CTDSPL: variants seen among roughly 807,000 people sequenced by gnomAD.
CTDSPL encodes the protein CTD small phosphatase-like protein.
CTDSPL carries 8 observed loss-of-function variants against 30.5 expected under a neutral mutation model. The ratio of observed to expected loss-of-function variants is 0.26; its 90% CI spans 0.15 to 0.47. The LOEUF (loss-of-function observed/expected upper bound fraction) is 0.47. CTDSPL is among the 20% of genes least tolerant of loss of function. CTDSPL has a pLI of 0.99. For synonymous variants in CTDSPL, 110 were observed against 137.9 expected, an observed-to-expected ratio of 0.80 and a Z score of 1.42; for missense variants, 248 against 366.1, an observed-to-expected ratio of 0.68 and a Z score of 2.63.
In CTDSPL at chr3:37,983,076, A is replaced by G. The variant is rs558012435; in HGVS notation, c.*2209A>G. On this transcript the variant is annotated 3_prime_UTR_variant, in exon 8 of 8. Coordinates refer to ENST00000273179, the MANE Select transcript of CTDSPL (RefSeq NM_001008392.2). ...CAGACTTGAGCCAGACACTTCACCTAGTAGTTCCTGAAACTGTGAGCACCA... is the reference window on the plus strand; with the variant it reads ...CAGACTTGAGCCAGACACTTCACCTGGTAGTTCCTGAAACTGTGAGCACCA... The G allele has an allele frequency of 4.6e-4, 80 of 172,842 alleles. No homozygotes were observed. Among genetic ancestry groups the G allele is most frequent in the Non-Finnish European group, 7.9e-4 (63 of 79,814 alleles). 10.7% of individuals were successfully genotyped at this position (172,842 alleles called of 1,614,324 possible). A position where few individuals can be genotyped will look rare whatever the true frequency, so the allele number is the denominator to read the frequency against.
At chr3:37,893,981 G>A (rs774437609) in intron 1 of CTDSPL, among the ~76,000 whole-genome samples, 5 of 152,142 alleles carry the variant, frequency 3.3e-5, no homozygotes, top group Admixed American at 6.5e-5. Context: ...AAAATAAAAA[G>A]TTTTGACTAA....
At chr3:37,897,740 A>C (rs1353779052) in intron 1 of CTDSPL, among the ~76,000 whole-genome samples, 1 of 152,172 alleles carries the variant, frequency 6.6e-6, no homozygotes, top group Non-Finnish European at 1.5e-5. Context: ...CACTAGGGTC[A>C]AGCATCAGAA....
intron 1 of CTDSPL, among the ~76,000 whole-genome samples, chr3:37,925,944 A>G (rs1575301586): frequency 2.0e-5 from 3 of 152,234 alleles, no homozygotes; most frequent in East Asian, 1.9e-4. Flanking sequence ...TTACATGTTT[A>G]TTTATTGTGT....
intron 3 of CTDSPL, among the ~76,000 whole-genome samples, chr3:37,960,033 A>G (rs1231950347): frequency 6.6e-6 from 1 of 151,812 alleles, no homozygotes; most frequent in African/African-American, 2.4e-5. Context: ...GTGAAACCCC[A>G]TCTCTATAAA....
intron 1 of CTDSPL, among the ~76,000 whole-genome samples, chr3:37,943,286 C>T (rs1698997926): frequency 6.7e-6 from 1 of 150,074 alleles, no homozygotes; most frequent in Non-Finnish European, 1.5e-5. Flanking sequence ...GCGAAGGCTT[C>T]CTGGGTGAGG....
At chr3:37,974,790 C>G (rs957680920) in intron 6 of CTDSPL, among the ~76,000 whole-genome samples, 1 of 152,194 alleles carries the variant, frequency 6.6e-6, no homozygotes, top group Non-Finnish European at 1.5e-5. Flanking sequence ...TCCTGTCACT[C>G]AGGGGCTGGT....
chr3:37,877,892 G>A (rs1039451205), intron 1 of CTDSPL, among the ~76,000 whole-genome samples: 12 of 152,104 alleles, frequency 7.9e-5, no homozygotes, highest in Non-Finnish European at 1.5e-4. Flanking sequence ...CCATGGGGAG[G>A]GCACCATTCA....
At chr3:37,918,660 A>G (rs9816379) in intron 1 of CTDSPL, among the ~76,000 whole-genome samples, 46,898 of 152,098 alleles carry the variant, frequency 0.31, 9,170 homozygotes, top group African/African-American at 0.55. Flanking sequence ...CAAAACTGAT[A>G]TTTCCTTACA....
chr3:37,949,076 T>A (rs1315651561), intron 2 of CTDSPL, among the ~76,000 whole-genome samples: 1 of 152,054 alleles, frequency 6.6e-6, no homozygotes, highest in Non-Finnish European at 1.5e-5. Flanking sequence ...CGCCTCAGCC[T>A]CCCAAAGTGC....
In CTDSPL at chr3:37,975,607, A is replaced by T; in HGVS notation, c.520-102A>T. 9.8e-7 allele frequency: 1 copy of T among 1,020,086 alleles called. No individual in the cohort carries two copies. Among genetic ancestry groups the T allele is most frequent in the Non-Finnish European group, 1.4e-6 (1 of 697,396 alleles). 63.2% of individuals were successfully genotyped at this position (1,020,086 alleles called of 1,614,324 possible). On this transcript the variant is annotated intron_variant, in intron 6 of 7. Transcript: ENST00000273179. This position sits in a 1 kb window ranked among gnomAD's most constrained non-coding sequence, Gnocchi z 4.9. ...GGATCCTAAGACACATCTAATTATT[A>T]AATCCATTTTTAAAAAACGTAATCT...
At chr3:37,976,255 G>A (rs1479192848) in intron 7 of CTDSPL, among the ~76,000 whole-genome samples, 1 of 152,162 alleles carries the variant, frequency 6.6e-6, no homozygotes, top group Non-Finnish European at 1.5e-5. Flanking sequence ...TCTGCTGGCA[G>A]TAACCTCCTG....
intron 3 of CTDSPL, among the ~76,000 whole-genome samples, chr3:37,964,032 TAAAAAAAAAAA>T (rs58061973): frequency 3.0e-4 from 7 of 22,990 alleles, no homozygotes; most frequent in Admixed American, 2.3e-3. Flanking sequence ...TCTCAGTCAC[TAAAAAAAAAAA>T]AAAAAAAAAA....
intron 1 of CTDSPL, among the ~76,000 whole-genome samples, chr3:37,928,563 T>C (rs148959199): frequency 5.3e-5 from 8 of 152,212 alleles, no homozygotes; most frequent in Admixed American, 6.5e-5. Flanking sequence ...TTTGCCCATG[T>C]TTTATTTTTT....
At position 37,978,407 on chromosome 3, in the gene CTDSPL, T is replaced by C. The variant is rs115305974; in HGVS notation, c.706-2335T>C. 6.2e-3 allele frequency among the ~76,000 whole-genome samples: 941 copies of C among 152,360 alleles called. 1 individual carries two copies. The highest frequency in any genetic ancestry group is 9.9e-3 in the Non-Finnish European group (676 of 68,024). On this transcript the variant is annotated intron_variant, in intron 7 of 7. Coordinates refer to ENST00000273179, the MANE Select transcript of CTDSPL (RefSeq NM_001008392.2). ...GGATTTTGGAATATTTGCATATACA[T>C]AATTGGATATCTTGGGGATGGAACC...
chr3:37,914,598 A>T (rs1009131556), intron 1 of CTDSPL, among the ~76,000 whole-genome samples: 1 of 152,204 alleles, frequency 6.6e-6, no homozygotes. Flanking sequence ...CATTTGATTC[A>T]CCCCTTTATT....
In CTDSPL at chr3:37,975,283, G is replaced by A. The variant is rs1199372688; in HGVS notation, c.520-426G>A. On this transcript the variant is annotated intron_variant, in intron 6 of 7. Coordinates refer to ENST00000273179, the MANE Select transcript of CTDSPL (RefSeq NM_001008392.2). This position sits in a 1 kb window ranked among gnomAD's most constrained non-coding sequence, Gnocchi z 4.9. ...CTCCAAGTGCGGTGTGTAGACAGTG[G>A]AGAGTTTTCAGCAGAGGAGTGACAT... Among the ~76,000 whole-genome samples, 1 of 152,184 alleles carries A rather than the reference G, an allele frequency of 6.6e-6. No individual in the cohort carries two copies.
chr3:37,905,932 T>C (rs916628800), intron 1 of CTDSPL, among the ~76,000 whole-genome samples: 9 of 152,120 alleles, frequency 5.9e-5, no homozygotes, highest in African/African-American at 2.2e-4. Context: ...GAGAGAAGAG[T>C]ATGGACTGGC....
At chr3:37,977,164 G>A (rs970343080) in intron 7 of CTDSPL, among the ~76,000 whole-genome samples, 11 of 152,250 alleles carry the variant, frequency 7.2e-5, no homozygotes, top group African/African-American at 1.9e-4. Flanking sequence ...ATTTGGTAAC[G>A]TGTCTCTAAC....
In CTDSPL at chr3:37,958,884, A is replaced by G. The variant is rs930892674; in HGVS notation, c.267+1741A>G. Among the ~76,000 whole-genome samples, 8 of 152,232 alleles carry G rather than the reference A, an allele frequency of 5.3e-5. No individual in the cohort carries two copies. In the East Asian group the frequency reaches 9.6e-4, roughly 18 times the overall value. On this transcript the variant is annotated intron_variant, in intron 3 of 7. Coordinates refer to ENST00000273179, the MANE Select transcript of CTDSPL (RefSeq NM_001008392.2). ...GTGATTTCCACTGACTGCTTAGCAT[A>G]TAGGACTGATCCCAGTCCATCCGGG...
Sources: gnomAD v4.1 joint callset for allele counts (sites outside exome capture counted in the v4.1 genomes callset) on GRCh38, gnomAD v4.1.1 for gene constraint, Gnocchi (gnomAD v3.1) non-coding constraint, MANE v1.5 for transcripts, NCBI Gene and HGNC (gene_info 2026-07-23, HGNC 2026-07-21) for gene names.